Variants in TNFRSF10D observed in about 807,000 individuals in gnomAD.
TNFRSF10D encodes tumor necrosis factor receptor superfamily member 10D.
TNFRSF10D carries 28 observed loss-of-function variants against 42.1 expected under a neutral mutation model. The observed-to-expected ratio is 0.66, with a 90% CI of 0.49 to 0.91. The LOEUF is 0.91. Ranked by LOEUF, TNFRSF10D falls within the 40% of genes least tolerant of loss-of-function variation. The probability of loss-of-function intolerance (pLI) is 0.00; values close to 1 mark genes in which losing one functional copy is unlikely to be tolerated. For synonymous variants in TNFRSF10D, 186 were observed against 189.4 expected, an observed-to-expected ratio of 0.98 and a Z score of 0.15; for missense variants, 503 against 486.1, an observed-to-expected ratio of 1.03 and a Z score of -0.33.
rs112442793 is a variant in TNFRSF10D, at chr8:23,155,013, C to T, written c.151-34G>A. On this transcript the variant is annotated intron_variant, in intron 1 of 8. Transcript: ENST00000312584. The stretch of plus-strand genomic sequence containing the variant: ...ACAAGGCAGAGATGGGCTTGAGTGG[C>T]TTCCAGACCTTACCTCTCCCAGGCT... 724 of 1,519,150 alleles carry T rather than the reference C, an allele frequency of 4.8e-4. 4 individuals are homozygous for T. In the African/African-American group the frequency reaches 8.8e-3, roughly 18 times the overall value. 94.1% of individuals were successfully genotyped at this position (1,519,150 alleles called of 1,614,324 possible). A position where few individuals can be genotyped will look rare whatever the true frequency, so the allele number is the denominator to read the frequency against.
At chr8:23,145,175 T>C in intron 5 of TNFRSF10D, 86 bp from the exon 6 acceptor site, 1 of 1,565,446 alleles carries the variant, frequency 6.4e-7, no homozygotes, top group Non-Finnish European at 8.7e-7. Context: ...CAGGGCTGGC[T>C]GGGGGCTGGG....
intron 3 of TNFRSF10D, among the ~76,000 whole-genome samples, chr8:23,147,289 G>T (rs1350099530): frequency 1.3e-5 from 2 of 151,978 alleles, no homozygotes; most frequent in South Asian, 2.1e-4. Context: ...ATTATATCAG[G>T]TTAGGGGAAA....
chr8:23,156,238 A>T (rs1424877591), intron 1 of TNFRSF10D, among the ~76,000 whole-genome samples: 572 of 151,712 alleles, frequency 3.8e-3, no homozygotes, highest in African/African-American at 0.012. Flanking sequence ...GGGAGTGTGT[A>T]AAAGTACAAA....
chr8:23,148,705 C>G (rs988751894), intron 2 of TNFRSF10D, among the ~76,000 whole-genome samples, 154 bp from the exon 3 acceptor site: 1 of 151,916 alleles, frequency 6.6e-6, no homozygotes, highest in Non-Finnish European at 1.5e-5. Context: ...GCATCTATTA[C>G]ACTATTACAT....
At chr8:23,159,922 C>T (rs936533065) in intron 1 of TNFRSF10D, among the ~76,000 whole-genome samples, 5 of 151,806 alleles carry the variant, frequency 3.3e-5, no homozygotes, top group African/African-American at 7.3e-5. Flanking sequence ...CAATTTAATT[C>T]TCAGGTCCAG....
At position 23,136,016 on chromosome 8, in the gene TNFRSF10D, TA is replaced by T; in HGVS notation, c.*1853del. ...GAAGACCGGAAAGGCCATCCCCTCC[TA>T]AAACTCCATGGACACAACAATCTGA... On this transcript the variant is annotated 3_prime_UTR_variant, in exon 9 of 9. Transcript: ENST00000312584. The T allele has an allele frequency of 4.7e-6, 2 of 425,242 alleles. No individual in the cohort carries two copies. Among genetic ancestry groups the T allele is most frequent in the Middle Eastern group, 7.8e-4 (1 of 1,284 alleles). 26.3% of individuals were successfully genotyped at this position (425,242 alleles called of 1,614,324 possible).
Position 23,163,089 on chromosome 8 carries a change from C to CTTTT in TNFRSF10D, c.150+693_150+696dup, listed in dbSNP as rs59385093. On this transcript the variant is annotated intron_variant, in intron 1 of 8. Transcript: ENST00000312584. ...GGCGCAGGCTGCCACGCCTGGCTAA[C>CTTTT]TTTTTTTTTTTTTTTTTTTTTTTTT... 8.2e-4 allele frequency among the ~76,000 whole-genome samples: 47 copies of CTTTT among 57,206 alleles called. 3 individuals are homozygous for CTTTT. Among genetic ancestry groups the CTTTT allele is most frequent in the African/African-American group, 2.8e-3 (35 of 12,368 alleles). 37.5% of individuals were successfully genotyped at this position (57,206 alleles called of 152,430 possible). A position where few individuals can be genotyped will look rare whatever the true frequency, so the allele number is the denominator to read the frequency against.
chr8:23,156,625 T>C (rs9657266), intron 1 of TNFRSF10D, among the ~76,000 whole-genome samples: 26,160 of 150,614 alleles, frequency 0.17, 3,015 homozygotes, highest in East Asian at 0.59. Context: ...AGTGCAGTGG[T>C]GTAATCTCTG....
intron 7 of TNFRSF10D, among the ~76,000 whole-genome samples, chr8:23,142,088 G>A (rs984739859): frequency 5.3e-5 from 8 of 152,116 alleles, no homozygotes; most frequent in Non-Finnish European, 1.2e-4. Flanking sequence ...TGCCCAAGAC[G>A]GTGAAACCCC....
At chr8:23,143,775 G>A (rs1800066788) in intron 7 of TNFRSF10D, among the ~76,000 whole-genome samples, 2 of 152,076 alleles carry the variant, frequency 1.3e-5, no homozygotes, top group South Asian at 2.1e-4. Flanking sequence ...TGGCACCTAC[G>A]TTCCACTGGT....
At chr8:23,151,997 G>A (rs1218604497) in intron 2 of TNFRSF10D, among the ~76,000 whole-genome samples, 435 of 151,250 alleles carry the variant, frequency 2.9e-3, no homozygotes, top group African/African-American at 8.9e-3. Context: ...ATGCCTAATT[G>A]GGTGTTCATC....
intron 1 of TNFRSF10D, among the ~76,000 whole-genome samples, chr8:23,158,818 G>T (rs1451432697): frequency 6.6e-6 from 1 of 152,102 alleles, no homozygotes; most frequent in African/African-American, 2.4e-5. Flanking sequence ...TGGTATAATG[G>T]ATATGAAACA....
chr8:23,162,663 C>T (rs1053846421), intron 1 of TNFRSF10D, among the ~76,000 whole-genome samples: 3 of 152,180 alleles, frequency 2.0e-5, no homozygotes, highest in Admixed American at 6.5e-5. Flanking sequence ...CAACTCACAA[C>T]GAGAACTTTA....
At chr8:23,141,095 C>T (rs116766055) in intron 7 of TNFRSF10D, among the ~76,000 whole-genome samples, 933 of 152,164 alleles carry the variant, frequency 6.1e-3, no homozygotes, top group African/African-American at 0.019. Context: ...GAAAACACCC[C>T]TCTGGACATC....
At position 23,155,679 on chromosome 8, in the gene TNFRSF10D, G is replaced by A. The variant is rs143953941; in HGVS notation, c.151-700C>T. On this transcript the variant is annotated intron_variant, in intron 1 of 8. Transcript: ENST00000312584. Reference sequence around the variant, plus strand: ...GCTTGCACTGCACTCCAGCCTGGGCGAAAGAGCGAGACTCTGTCTCAAAAA... The same window carrying A: ...GCTTGCACTGCACTCCAGCCTGGGCAAAAGAGCGAGACTCTGTCTCAAAAA... Among the ~76,000 whole-genome samples, 353 of 150,284 alleles carry A rather than the reference G, an allele frequency of 2.3e-3. 3 individuals are homozygous for A. Among genetic ancestry groups the A allele is most frequent in the African/African-American group, 8.1e-3 (331 of 40,864 alleles).
intron 2 of TNFRSF10D, among the ~76,000 whole-genome samples, chr8:23,149,026 T>TA (rs761111847): frequency 1.3e-5 from 2 of 150,972 alleles, no homozygotes; most frequent in South Asian, 4.2e-4. Flanking sequence ...CCATCTCTAC[T>TA]AAAAATACAA....
At chr8:23,151,184 C>T (rs1339238998) in intron 2 of TNFRSF10D, among the ~76,000 whole-genome samples, 1 of 151,974 alleles carries the variant, frequency 6.6e-6, no homozygotes, top group Non-Finnish European at 1.5e-5. Flanking sequence ...TACAAAGGAA[C>T]CCCTATAAAA....
Position 23,136,952 on chromosome 8 carries a change from G to A in TNFRSF10D, c.*918C>T, listed in dbSNP as rs1440432757. ...CAGTAAGTGCCTCCCACAGAGGGAGGATTTCTCCCTCCGTCACTAGTTATA... is the reference window on the plus strand; with the variant it reads ...CAGTAAGTGCCTCCCACAGAGGGAGAATTTCTCCCTCCGTCACTAGTTATA... On this transcript the variant is annotated 3_prime_UTR_variant, in exon 9 of 9. Coordinates refer to ENST00000312584, the MANE Select transcript of TNFRSF10D (RefSeq NM_003840.5). 6.6e-6 allele frequency: 1 copy of A among 152,078 alleles called. No individual in the cohort carries two copies. Among genetic ancestry groups the A allele is most frequent in the Non-Finnish European group, 1.5e-5 (1 of 68,012 alleles). The allele number at this position is 152,078 out of a possible 1,614,324, so 9.4% of individuals were successfully genotyped here.
At chr8:23,143,617 G>A (rs1800065257) in intron 7 of TNFRSF10D, among the ~76,000 whole-genome samples, 1 of 152,116 alleles carries the variant, frequency 6.6e-6, no homozygotes, top group Admixed American at 6.5e-5. Flanking sequence ...AGTGAACCTT[G>A]TCTAGGTAAG....
Sources: allele counts gnomAD v4.1 joint callset (sites outside exome capture counted in the v4.1 genomes callset), GRCh38; gene constraint gnomAD v4.1.1; transcripts MANE v1.5; gene names NCBI Gene and HGNC (gene_info 2026-07-23, HGNC 2026-07-21).